Variants in EML3 observed in about 807,000 individuals in gnomAD.
EML3 encodes echinoderm microtubule-associated protein-like 3.
EML3 carries 53 observed loss-of-function variants against 106.7 expected under a neutral mutation model. The ratio of observed to expected loss-of-function variants is 0.50; its 90% CI spans 0.40 to 0.62. The LOEUF is 0.62. Ranked by LOEUF, EML3 falls within the 20% of genes least tolerant of loss-of-function variation. The probability of loss-of-function intolerance (pLI) is 0.00; values close to 1 mark genes in which losing one functional copy is unlikely to be tolerated. For synonymous variants in EML3, 499 were observed against 489.6 expected, an observed-to-expected ratio of 1.02 and a Z score of -0.25; for missense variants, 994 against 1,209.1, an observed-to-expected ratio of 0.82 and a Z score of 2.64.
At chr11:62,608,835 AG>A in intron 7 of EML3, 30 bp from the exon 8 acceptor site, 1 of 1,564,578 alleles carries the variant, frequency 6.4e-7, no homozygotes, top group Non-Finnish European at 8.7e-7. Context: ...CTCTAGGGAA[AG>A]GGTCTCTCAA....
At position 62,605,811 on chromosome 11, in the gene EML3, C is replaced by T; in HGVS notation, c.1783-38G>A. 1.2e-6 allele frequency: 2 copies of T among 1,609,334 alleles called. No homozygotes were observed. The highest frequency in any genetic ancestry group is 1.7e-6 in the Non-Finnish European group (2 of 1,177,170). On this transcript the variant is annotated intron_variant, in intron 14 of 21. Coordinates refer to ENST00000394773, the MANE Select transcript of EML3 (RefSeq NM_153265.3). This position sits in a 1 kb window ranked among gnomAD's most constrained non-coding sequence, Gnocchi z 5.2. ...ATGACTGTCACTCCTGCCCCTCTCT[C>T]ACACCCCTTTGTCCCTTCCTCCCCT...
chr11:62,604,747 C>T, intron 16 of EML3: 1 of 193,934 alleles, frequency 5.2e-6, no homozygotes, highest in Admixed American at 5.4e-5. Flanking sequence ...CTTCTGATGT[C>T]GTCTGAAAAA....
In EML3 at chr11:62,611,354, AGATGTT is replaced by A; in HGVS notation, c.195-16_195-11del. 1 of 1,613,088 alleles carries A rather than the reference AGATGTT, an allele frequency of 6.2e-7. No homozygotes were observed. The highest frequency in any genetic ancestry group is 8.5e-7 in the Non-Finnish European group (1 of 1,179,798). ...TGGGGGGGCTGCAAGACTGCTGGAG[AGATGTT>A]GAATTAACCTGAAGCCCCAGAGGCC... On this transcript the variant is annotated splice_polypyrimidine_tract_variant and intron_variant, in intron 2 of 21. Coordinates refer to ENST00000394773, the MANE Select transcript of EML3 (RefSeq NM_153265.3).
At position 62,602,505 on chromosome 11, in the gene EML3, G is replaced by A. The variant is rs1198264555; in HGVS notation, c.2661C>T (p.Ser887=). Residue 887 remains serine (S), a synonymous_variant, in exon 22 of 22, where the codon TCC becomes TCT. Transcript: ENST00000394773. Reference sequence around the variant, plus strand: ...CGTCGAGGGAGGAGGCGGGGGACAGGGAGGGGGTTCGAGAGGGCGTGGCGG... The same window carrying A: ...CGTCGAGGGAGGAGGCGGGGGACAGAGAGGGGGTTCGAGAGGGCGTGGCGG... The part of the protein sequence containing the change: ...PAPATPSRTP[S]LSPASSLDV 3 of 1,524,690 alleles carry A rather than the reference G, an allele frequency of 2.0e-6. No homozygotes were observed. Among genetic ancestry groups the A allele is most frequent in the South Asian group, 2.5e-5 (2 of 81,000 alleles). 94.4% of individuals were successfully genotyped at this position (1,524,690 alleles called of 1,614,324 possible). A position where few individuals can be genotyped will look rare whatever the true frequency, so the allele number is the denominator to read the frequency against.
Position 62,608,342 on chromosome 11 carries a change from T to G in EML3, c.1111-46A>C, listed in dbSNP as rs769382684. 2.6e-6 allele frequency: 4 copies of G among 1,559,580 alleles called. No individual in the cohort carries two copies. The Admixed American group carries it at 6.7e-5, about 26-fold the overall frequency. Reference sequence around the variant, plus strand: ...GGAGGTGCAGAGTGAACCCTGGAGGTCCAGGGGTTCATGGTCATTAGGTTA... The same window carrying G: ...GGAGGTGCAGAGTGAACCCTGGAGGGCCAGGGGTTCATGGTCATTAGGTTA... On this transcript the variant is annotated intron_variant, in intron 9 of 21. Transcript: ENST00000394773.
chr11:62,606,515 C>G, intron 12 of EML3: 1 of 451,974 alleles, frequency 2.2e-6, no homozygotes, highest in Non-Finnish European at 4.0e-6. Flanking sequence ...GCTGCCCACA[C>G]GCTTCTAGAC....
rs779493335 is a variant in EML3 at position 62,603,773 on chromosome 11, C to T, written c.2213G>A (p.Gly738Glu). Reference sequence around the variant, plus strand: ...CCCAGAATTGGACATGATGAAATTCCCATCCTTGGACCAGTCAAGATGAGT... The same window carrying T: ...CCCAGAATTGGACATGATGAAATTCTCATCCTTGGACCAGTCAAGATGAGT... ...FITHLDWSKD[G>E]NFIMSNSGDY... The change falls in exon 19 of 22, where the codon GGG (glycine) becomes GAG (glutamate). Residue 738 changes from glycine to glutamate, a missense_variant. By Grantham distance (98) the Gly-to-Glu change is moderately conservative. Transcript: ENST00000394773. 2 of 1,614,146 alleles carry T rather than the reference C, an allele frequency of 1.2e-6. No individual in the cohort carries two copies. The highest frequency in any genetic ancestry group is 2.2e-5 in the East Asian group (1 of 44,884).
intron 1 of EML3, 44 bp downstream of exon 1, chr11:62,612,392 G>A (rs1350666777): frequency 2.0e-6 from 3 of 1,496,544 alleles, no homozygotes; most frequent in African/African-American, 1.4e-5. Context: ...GACGAGCCGG[G>A]CGCTCCGGGA....
At position 62,608,207 on chromosome 11, in the gene EML3, C is replaced by T. The variant is rs1565060960; in HGVS notation, c.1200G>A (p.Glu400=). ...WDCSRGMKLA[E]IKSTNDSVLA... Reference sequence around the variant, plus strand: ...AGCCACATGGACTCCTCACCTTGATCTCAGCCAGCTTCATTCCCCGGCTGC... The same window carrying T: ...AGCCACATGGACTCCTCACCTTGATTTCAGCCAGCTTCATTCCCCGGCTGC... The change falls in exon 10 of 22, where the codon GAG becomes GAA. Residue 400 remains glutamate, a synonymous_variant. Transcript: ENST00000394773. 6.2e-6 allele frequency: 10 copies of T among 1,613,806 alleles called. No individual in the cohort carries two copies. In the South Asian group the frequency reaches 9.9e-5, roughly 16 times the overall value.
At chr11:62,611,701 CTT>C (rs1942838918) in intron 1 of EML3, 105 bp from the exon 2 acceptor site, 2 of 1,314,244 alleles carry the variant, frequency 1.5e-6, no homozygotes, top group Non-Finnish European at 2.0e-6. Context: ...AGGACTGCCC[CTT>C]TCAGGCAGCC....
Position 62,602,691 on chromosome 11 carries a change from G to A in EML3, c.2488-13C>T. ...TGCGGCTCGGCGCCTGGGCCGGAGG[G>A]AAGAGTTGCGGTGGCGGCTGAGCCC... On this transcript the variant is annotated splice_polypyrimidine_tract_variant and intron_variant, in intron 21 of 21. Coordinates refer to ENST00000394773, the MANE Select transcript of EML3 (RefSeq NM_153265.3). 3.1e-6 allele frequency: 5 copies of A among 1,599,234 alleles called. No individual in the cohort carries two copies. Among genetic ancestry groups the A allele is most frequent in the African/African-American group, 1.3e-5 (1 of 74,756 alleles).
Position 62,605,029 on chromosome 11 carries a change from G to T in EML3, c.1982+84C>A. ...CGCAGGTGGCTCCTGGGTAGAGGTG[G>T]TCACTCTCGCCCACTCCCCCAGTAC... On this transcript the variant is annotated intron_variant, in intron 16 of 21. Transcript: ENST00000394773. This position sits in a 1 kb window ranked among gnomAD's most constrained non-coding sequence, Gnocchi z 5.2. 1 of 1,393,550 alleles carries T rather than the reference G, an allele frequency of 7.2e-7. No individual in the cohort carries two copies. Among genetic ancestry groups the T allele is most frequent in the East Asian group, 2.5e-5 (1 of 39,462 alleles). 86.3% of individuals were successfully genotyped at this position (1,393,550 alleles called of 1,614,324 possible).
intron 12 of EML3, 100 bp from the exon 13 acceptor site, chr11:62,606,314 T>C: frequency 7.4e-7 from 1 of 1,348,256 alleles, no homozygotes; most frequent in Non-Finnish European, 1.0e-6. Context: ...TCCCAGCCAT[T>C]GCATGCACTG....
chr11:62,602,662 T>A lies in EML3; in HGVS notation c.2504A>T (p.Tyr835Phe). The part of the protein sequence containing the change: ...CARAKAPSRM[Y>F]GGHGSHVTSV... ...GGTCACGTGGCTGCCGTGGCCCCCG[T>A]ACATGCGGCTCGGCGCCTGGGCCGG... The change falls in exon 22 of 22, where the codon TAC (tyrosine) becomes TTC (phenylalanine). Residue 835 changes from tyrosine (Y) to phenylalanine (F), a missense_variant. Physicochemically the swap from Tyr to Phe is conservative, Grantham distance 22. Around this residue, in one of 3 missense-constraint regions of EML3, gnomAD observed 713 missense variants for 920.5 expected, o/e 0.77. Transcript: ENST00000394773. The A allele has an allele frequency of 6.3e-7, 1 of 1,596,860 alleles. No individual in the cohort carries two copies. The highest frequency in any genetic ancestry group is 8.5e-7 in the Non-Finnish European group (1 of 1,174,744).
Position 62,605,515 on chromosome 11 carries a change from C to T in EML3, c.1914+127G>A, listed in dbSNP as rs1179596175. The T allele has an allele frequency of 7.9e-7, 1 of 1,262,798 alleles. No individual in the cohort carries two copies. The highest frequency in any genetic ancestry group is 2.4e-5 in the East Asian group (1 of 41,704). 78.2% of individuals were successfully genotyped at this position (1,262,798 alleles called of 1,614,324 possible). On this transcript the variant is annotated intron_variant, in intron 15 of 21. Transcript: ENST00000394773. This position sits in a 1 kb window ranked among gnomAD's most constrained non-coding sequence, Gnocchi z 5.2. ...ACAGAAAAATTAATATTTGAGTAGCCAGTGCAGCCATACCAGTACAAACTG... is the reference window on the plus strand; with the variant it reads ...ACAGAAAAATTAATATTTGAGTAGCTAGTGCAGCCATACCAGTACAAACTG...
Position 62,607,696 on chromosome 11 carries a change from CCCATTCCCAGGAACCCCTACT to C in EML3, c.1311_1331del (p.Val438_Gly444del). ...AGACACCCTGTTTCCGGGTAAGGGT[CCCATTCCCAGGAACCCCTACT>C]CCACCACTCCAATTCCAGAAGTGGA... On this transcript the variant is annotated inframe_deletion, in exon 11 of 22. Transcript: ENST00000394773. The C allele has an allele frequency of 6.2e-7, 1 of 1,614,024 alleles. No individual in the cohort carries two copies. The highest frequency in any genetic ancestry group is 2.2e-5 in the East Asian group (1 of 44,890).
At position 62,608,246 on chromosome 11, in the gene EML3, C is replaced by G. The variant is rs1942631117; in HGVS notation, c.1161G>C (p.Leu387=). ...TTCCCCGGCTGCAGTCCCACACCGA[C>G]AGCATGTGCTCATTGGAATCATCCA... is the stretch of plus-strand genomic sequence containing the variant. ...CVVDDSNEHM[L]SVWDCSRGMK... Residue 387 remains leucine (L), a synonymous_variant, in exon 10 of 22, where the codon CTG becomes CTC. Transcript: ENST00000394773. 6.2e-7 allele frequency: 1 copy of G among 1,614,028 alleles called. No individual in the cohort carries two copies.
In EML3 at chr11:62,606,988, A is replaced by C. The variant is rs1307620690; in HGVS notation, c.1474T>G (p.Ser492Ala). 1 of 1,614,066 alleles carries C rather than the reference A, an allele frequency of 6.2e-7. No individual in the cohort carries two copies. The highest frequency in any genetic ancestry group is 8.5e-7 in the Non-Finnish European group (1 of 1,179,964). Residue 492 changes from serine (S) to alanine (A), a missense_variant, in exon 12 of 22, where the codon TCC (serine) becomes GCC (alanine). Around this residue, in one of 3 missense-constraint regions of EML3, gnomAD observed 713 missense variants for 920.5 expected, o/e 0.77. Transcript: ENST00000394773. ...GCGCCACCCCTGCCTGGGGTCTTGG[A>C]ATCTGAAGGGCTCCGCCCCCAGGTG... is the stretch of plus-strand genomic sequence containing the variant. ...ILTWGRSPSD[S>A]KTPGRGGAKE...
At chr11:62,608,436 C>G (rs1942640535) in intron 9 of EML3, 106 bp downstream of exon 9, 1 of 1,371,114 alleles carries the variant, frequency 7.3e-7, no homozygotes, top group Admixed American at 1.7e-5. Flanking sequence ...AGAGAACCAG[C>G]TGGGTGGGGT....
Sources: allele counts gnomAD v4.1 joint callset, GRCh38; gene constraint gnomAD v4.1.1; regional missense constraint gnomAD v4.1.1; non-coding constraint Gnocchi (gnomAD v3.1); transcripts MANE v1.5; gene names NCBI Gene and HGNC (gene_info 2026-07-23, HGNC 2026-07-21).